KCNA6: variants seen among roughly 807,000 people sequenced by gnomAD.
The protein encoded by KCNA6 is human brain potassium channel-2.
A neutral mutation model predicts 29.5 loss-of-function variants in KCNA6; 17 were observed. The ratio of observed to expected loss-of-function variants is 0.58; its 90% confidence interval spans 0.39 to 0.86. The LOEUF (loss-of-function observed/expected upper bound fraction) is 0.86. KCNA6 is among the 40% of genes least tolerant of loss of function. The probability of loss-of-function intolerance (pLI) is 0.00; values close to 1 mark genes in which losing one functional copy is unlikely to be tolerated. For missense variants in KCNA6, 450 were observed against 703.4 expected (o/e 0.64, Z 4.07); for synonymous variants, 296 against 304.7 (o/e 0.97, Z 0.30).
the KCNA6 span, among the ~76,000 whole-genome samples, chr12:4,827,680 G>A: frequency 6.6e-6 from 1 of 152,336 alleles, no homozygotes; most frequent in East Asian, 1.9e-4. Flanking sequence ...TCACCTCACT[G>A]TGCCGCAAAG....
the KCNA6 span, among the ~76,000 whole-genome samples, chr12:4,845,425 G>A: frequency 0.69 from 104,796 of 152,098 alleles, 36,905 homozygotes; most frequent in African/African-American, 0.76. Context: ...TGCTTTGTAC[G>A]TGAACTTCTG....
chr12:4,837,228 G>A, the KCNA6 span, among the ~76,000 whole-genome samples: 1 of 152,196 alleles, frequency 6.6e-6, no homozygotes, highest in African/African-American at 2.4e-5. Flanking sequence ...TTCCTAGAAG[G>A]TGGCACACCC....
chr12:4,832,495 T>C, the KCNA6 span, among the ~76,000 whole-genome samples: 1 of 152,122 alleles, frequency 6.6e-6, no homozygotes, highest in Non-Finnish European at 1.5e-5. Flanking sequence ...TTTGATACTC[T>C]TTTGAGGGTG....
the KCNA6 span, among the ~76,000 whole-genome samples, chr12:4,826,514 TG>T: frequency 1.3e-5 from 2 of 152,224 alleles, no homozygotes; most frequent in Non-Finnish European, 2.9e-5. Context: ...AAGTGGACTG[TG>T]GGGTGGGTGA....
At chr12:4,820,988 T>C in the KCNA6 span, among the ~76,000 whole-genome samples, 8 of 152,268 alleles carry the variant, frequency 5.3e-5, no homozygotes, top group Non-Finnish European at 1.0e-4. Context: ...CTTCTGAATT[T>C]TATAGCGGAA....
chr12:4,812,924 A>T (rs1946646044), exon 1 of KCNA6: 1 of 166,708 alleles, frequency 6.0e-6, no homozygotes. Context: ...TGATTTAGCC[A>T]TTTTCTTCCA....
chr12:4,809,976 T>TGCCGCGCTCCAGAGATTGTGTCGTGGGC, exon 1 of KCNA6: 1 of 1,472,692 alleles, frequency 6.8e-7, no homozygotes, highest in Non-Finnish European at 9.0e-7. Flanking sequence ...GGGGAGCGGG[T>TGCCGCGCTCCAGAGATTGTGTCGTGGGC]GCCGCGCTCC....
the KCNA6 span, among the ~76,000 whole-genome samples, chr12:4,828,532 T>C: frequency 2.0e-5 from 3 of 152,204 alleles, no homozygotes; most frequent in Non-Finnish European, 4.4e-5. Context: ...GAGCAATTAA[T>C]TTTCTAGGTA....
chr12:4,822,972 C>T, the KCNA6 span, among the ~76,000 whole-genome samples: 1 of 152,200 alleles, frequency 6.6e-6, no homozygotes, highest in African/African-American at 2.4e-5. Flanking sequence ...TGGAACCATG[C>T]CCAACATTAT....
chr12:4,836,480 G>A, the KCNA6 span, among the ~76,000 whole-genome samples: 1 of 151,866 alleles, frequency 6.6e-6, no homozygotes. Context: ...AATTTTCATT[G>A]TTGAAAATAA....
chr12:4,824,761 G>A, the KCNA6 span, among the ~76,000 whole-genome samples: 27 of 152,306 alleles, frequency 1.8e-4, 1 homozygote, highest in Admixed American at 4.6e-4. Context: ...TCCCCGATGC[G>A]TAAGGTCAAC....
chr12:4,828,665 A>G, the KCNA6 span, among the ~76,000 whole-genome samples: 3 of 152,208 alleles, frequency 2.0e-5, no homozygotes, highest in Non-Finnish European at 4.4e-5. Flanking sequence ...AGCGCATTTA[A>G]TCGTCCCAGT....
At chr12:4,818,680 C>G in the KCNA6 span, among the ~76,000 whole-genome samples, 6 of 151,992 alleles carry the variant, frequency 3.9e-5, no homozygotes, top group African/African-American at 1.4e-4. Flanking sequence ...GGAGATGGAA[C>G]AGAATGGAAT....
the KCNA6 span, among the ~76,000 whole-genome samples, chr12:4,827,206 C>CTCCTTCCTTCCTTCCTTCCT: frequency 5.4e-3 from 620 of 113,898 alleles, 9 homozygotes; most frequent in African/African-American, 0.021. Context: ...CCTTCCTTCC[C>CTCCTTCCTTCCTTCCTTCCT]TCCTTCCTTC....
the KCNA6 span, among the ~76,000 whole-genome samples, chr12:4,825,438 G>GA: frequency 1.1e-4 from 17 of 152,110 alleles, no homozygotes; most frequent in African/African-American, 4.1e-4. Context: ...TTTTACCACA[G>GA]AATCTCCATC....
chr12:4,839,558 A>G, the KCNA6 span, among the ~76,000 whole-genome samples: 3 of 152,244 alleles, frequency 2.0e-5, no homozygotes, highest in African/African-American at 7.2e-5. Flanking sequence ...TTTTATGCAA[A>G]TTTTCAACCG....
chr12:4,809,891 G>A (rs12812181), exon 1 of KCNA6: 1 of 861,648 alleles, frequency 1.2e-6, no homozygotes, highest in Non-Finnish European at 1.7e-6. Context: ...TAGGGCTCAC[G>A]GACCCAACGG....
At chr12:4,840,112 C>CTCCTGAG in the KCNA6 span, among the ~76,000 whole-genome samples, 67 of 152,148 alleles carry the variant, frequency 4.4e-4, no homozygotes, top group African/African-American at 1.6e-3. Flanking sequence ...GTTTATGTCA[C>CTCCTGAG]TCCTGAGTAT....
chr12:4,813,106 T>C (rs1404205686), exon 1 of KCNA6: 1 of 165,796 alleles, frequency 6.0e-6, no homozygotes, highest in African/African-American at 2.4e-5. Context: ...TATCTATGCT[T>C]TCAGACTCTT....
Sources: allele counts gnomAD v4.1 joint callset (sites outside exome capture counted in the v4.1 genomes callset), GRCh38; gene constraint gnomAD v4.1.1; transcripts MANE v1.5; gene names NCBI Gene and HGNC (gene_info 2026-07-23, HGNC 2026-07-21).